The following EPHB1 variants were observed in gnomAD, a reference collection of about 807,000 sequenced individuals.
EPHB1 encodes the protein ephrin type-B receptor 1.
EPHB1 carries 30 observed loss-of-function variants against 94.4 expected under a neutral mutation model. That is an observed-to-expected ratio of 0.32 (90% CI 0.24 to 0.43). The LOEUF (loss-of-function observed/expected upper bound fraction) is 0.43. Ranked by LOEUF, EPHB1 falls within the 20% of genes least tolerant of loss-of-function variation. The probability of loss-of-function intolerance (pLI) is 1.00; values close to 1 mark genes in which losing one functional copy is unlikely to be tolerated. For missense variants in EPHB1, 1,055 were observed against 1,308.3 expected (o/e 0.81, Z 2.99); for synonymous variants, 522 against 489.1 (o/e 1.07, Z -0.89).
intron 4 of EPHB1, among the ~76,000 whole-genome samples, chr3:135,118,430 G>A (rs931384767): frequency 1.3e-5 from 2 of 152,222 alleles, no homozygotes; most frequent in Non-Finnish European, 2.9e-5. Flanking sequence ...TTATAAGACA[G>A]GTATTACAAC....
chr3:134,856,787 A>G (rs2037130366), intron 1 of EPHB1, among the ~76,000 whole-genome samples: 1 of 152,276 alleles, frequency 6.6e-6, no homozygotes, highest in African/African-American at 2.4e-5. Flanking sequence ...AGTAAACTAA[A>G]TCGTTAAAAT....
In EPHB1 at chr3:134,851,504, GC is replaced by G. The variant is rs779307076; in HGVS notation, c.58+55817del. 4.4e-4 allele frequency among the ~76,000 whole-genome samples: 67 copies of G among 151,988 alleles called. 1 individual carries two copies. The highest frequency in any genetic ancestry group is 2.3e-3 in the Admixed American group (35 of 15,264). On this transcript the variant is annotated intron_variant, in intron 1 of 15. Coordinates refer to ENST00000398015, the MANE Select transcript of EPHB1 (RefSeq NM_004441.5). ...CCTTGCAGCTTCCCTTCTTTCTGTA[GC>G]CACCCGTATGCACTTTGGACTTTGT...
At chr3:134,816,935 C>T (rs996670041) in intron 1 of EPHB1, among the ~76,000 whole-genome samples, 2 of 152,080 alleles carry the variant, frequency 1.3e-5, no homozygotes, top group Admixed American at 6.5e-5. Context: ...CTAGCAGACC[C>T]AGCAGAGCAA....
intron 2 of EPHB1, among the ~76,000 whole-genome samples, chr3:134,938,871 T>A (rs1473611051): frequency 6.6e-6 from 1 of 152,126 alleles, no homozygotes; most frequent in Non-Finnish European, 1.5e-5. Context: ...TTGCCCATGG[T>A]CACACAGCTG....
At chr3:135,067,102 T>G (rs1479268311) in intron 3 of EPHB1, among the ~76,000 whole-genome samples, 1 of 151,798 alleles carries the variant, frequency 6.6e-6, no homozygotes, top group Non-Finnish European at 1.5e-5. Context: ...GGCAGGGGGG[T>G]GAAATGGACT....
In EPHB1 at chr3:134,875,513, G is replaced by A. The variant is rs146104083; in HGVS notation, c.59-50303G>A. On this transcript the variant is annotated intron_variant, in intron 1 of 15. Transcript: ENST00000398015. ...CCTTTAGAAGCCCCCAGGGAAACCC[G>A]GATGGCATGATACTGTAGAACTGTT... Among the ~76,000 whole-genome samples the A allele has an allele frequency of 3.9e-4, 59 of 152,216 alleles. 1 individual carries two copies. Among genetic ancestry groups the A allele is most frequent in the African/African-American group, 1.2e-3 (51 of 41,524 alleles).
intron 3 of EPHB1, among the ~76,000 whole-genome samples, chr3:134,974,208 A>G (rs1049691383): frequency 5.9e-5 from 9 of 152,254 alleles, no homozygotes; most frequent in African/African-American, 1.9e-4. Context: ...TCAAGGATGC[A>G]CGCGTGCGCA....
intron 4 of EPHB1, among the ~76,000 whole-genome samples, chr3:135,117,616 T>C (rs1289602120): frequency 6.6e-6 from 1 of 152,234 alleles, no homozygotes; most frequent in African/African-American, 2.4e-5. Context: ...GGCTGAAGGA[T>C]AGAGAACTAG....
intron 1 of EPHB1, among the ~76,000 whole-genome samples, chr3:134,882,764 TC>T (rs66699807): frequency 0.13 from 7,181 of 54,870 alleles, 394 homozygotes; most frequent in South Asian, 0.2. Flanking sequence ...CTTCCTTCCT[TC>T]CTTTCTTTCT....
At chr3:135,075,045 CA>C (rs1339238904) in intron 3 of EPHB1, among the ~76,000 whole-genome samples, 3 of 152,084 alleles carry the variant, frequency 2.0e-5, no homozygotes, top group Non-Finnish European at 4.4e-5. Flanking sequence ...AGGTGCCAAC[CA>C]GGTTAGGAAA....
chr3:134,989,781 C>T (rs954981104), intron 3 of EPHB1, among the ~76,000 whole-genome samples: 4 of 152,272 alleles, frequency 2.6e-5, no homozygotes, highest in Admixed American at 6.5e-5. Flanking sequence ...ACAAGATATA[C>T]TCTTTCCTGG....
At chr3:134,902,475 G>A (rs1294345711) in intron 1 of EPHB1, among the ~76,000 whole-genome samples, 1 of 152,090 alleles carries the variant, frequency 6.6e-6, no homozygotes, top group Non-Finnish European at 1.5e-5. Context: ...GTGCTACTGT[G>A]CTAATGCATT....
intron 3 of EPHB1, among the ~76,000 whole-genome samples, chr3:135,041,319 A>G (rs545050760): frequency 1.3e-5 from 2 of 152,288 alleles, no homozygotes; most frequent in Non-Finnish European, 2.9e-5. Context: ...GCTCAGTACC[A>G]CTGGGATGCT....
At chr3:134,828,618 C>G (rs901020489) in intron 1 of EPHB1, among the ~76,000 whole-genome samples, 1 of 152,200 alleles carries the variant, frequency 6.6e-6, no homozygotes, top group Non-Finnish European at 1.5e-5. Flanking sequence ...ACCTGATGCT[C>G]TGCCTAGCGC....
chr3:135,216,727 A>AG (rs1491229444), intron 12 of EPHB1, among the ~76,000 whole-genome samples: 867 of 3,318 alleles, frequency 0.26, 5 homozygotes, highest in Non-Finnish European at 0.39. Flanking sequence ...TGTCTCAGGG[A>AG]AAAAAAAAAA....
At chr3:134,813,388 A>C (rs2036211799) in intron 1 of EPHB1, among the ~76,000 whole-genome samples, 1 of 152,214 alleles carries the variant, frequency 6.6e-6, no homozygotes. Flanking sequence ...TGGCAGCAGA[A>C]ATCAGCTAGA....
chr3:135,196,986 G>T (rs1942636516), intron 11 of EPHB1, among the ~76,000 whole-genome samples: 1 of 152,008 alleles, frequency 6.6e-6, no homozygotes. Context: ...GCTGGGCGCG[G>T]TGGCTCACGC....
intron 6 of EPHB1, 191 bp downstream of exon 6, chr3:135,154,467 C>T: frequency 3.0e-6 from 2 of 660,164 alleles, no homozygotes; most frequent in South Asian, 2.4e-5. Flanking sequence ...CAGGCACTTT[C>T]TGTGCCAACT....
At chr3:135,076,263 CT>C (rs1395696788) in intron 3 of EPHB1, among the ~76,000 whole-genome samples, 1 of 84,078 alleles carries the variant, frequency 1.2e-5, no homozygotes, top group African/African-American at 1.2e-4. Flanking sequence ...ATATATATAA[CT>C]CTTAAATGCA....
Sources: allele counts gnomAD v4.1 joint callset (sites outside exome capture counted in the v4.1 genomes callset), GRCh38; gene constraint gnomAD v4.1.1; transcripts MANE v1.5; gene names NCBI Gene and HGNC (gene_info 2026-07-23, HGNC 2026-07-21).